Variants in ZNRF3 observed in about 807,000 individuals in gnomAD.
The protein encoded by ZNRF3 is E3 ubiquitin-protein ligase ZNRF3.
Under a neutral mutation model 72.5 loss-of-function variants are expected in ZNRF3, and 23 were observed. That is an observed-to-expected ratio of 0.32 (90% CI 0.23 to 0.45). The LOEUF (loss-of-function observed/expected upper bound fraction) is 0.45. Among genes scored for constraint, ZNRF3 ranks in the 20% least tolerant of loss-of-function variants. ZNRF3 has a pLI of 1.00. For missense variants in ZNRF3, 1,169 were observed against 1,272.1 expected (o/e 0.92, Z 1.23); for synonymous variants, 610 against 545.3 (o/e 1.12, Z -1.65).
chr22:28,900,996 AGCCACTTGGGAG>A (rs1362276498), intron 1 of ZNRF3, among the ~76,000 whole-genome samples: 1 of 152,118 alleles, frequency 6.6e-6, no homozygotes, highest in Non-Finnish European at 1.5e-5. Flanking sequence ...CTGTAGTCTT[AGCCACTTGGGAG>A]GCTGAGGTGA....
At chr22:28,922,789 C>T (rs752830987) in intron 1 of ZNRF3, among the ~76,000 whole-genome samples, 14 of 152,312 alleles carry the variant, frequency 9.2e-5, no homozygotes, top group Non-Finnish European at 1.5e-4. Flanking sequence ...TGGCATGTTC[C>T]GCCACAGCTG....
chr22:28,926,467 C>T (rs1225061772), intron 1 of ZNRF3, among the ~76,000 whole-genome samples: 2 of 150,910 alleles, frequency 1.3e-5, no homozygotes, highest in African/African-American at 4.9e-5. Context: ...ATTATACACA[C>T]ATCACCCTGC....
chr22:28,928,395 A>G (rs2034640806), intron 1 of ZNRF3, among the ~76,000 whole-genome samples: 1 of 151,726 alleles, frequency 6.6e-6, no homozygotes, highest in Admixed American at 6.6e-5. Flanking sequence ...ACATATATAC[A>G]TCTGCTGAGA....
chr22:28,945,626 T>C (rs2123790789), intron 1 of ZNRF3, among the ~76,000 whole-genome samples: 1 of 151,292 alleles, frequency 6.6e-6, no homozygotes, highest in South Asian at 2.1e-4. Flanking sequence ...ACCTCTCGAG[T>C]TTAAGCGATT....
chr22:29,042,615 G>T lies in ZNRF3; in HGVS notation c.501+46G>T, dbSNP rs202133066. 1.9e-6 allele frequency: 3 copies of T among 1,569,102 alleles called. No individual in the cohort carries two copies. The African/African-American group carries it at 4.0e-5, about 21-fold the overall frequency. On this transcript the variant is annotated intron_variant, in intron 3 of 8. Transcript: ENST00000544604. ...CAACACTGCAGCCTCCCTGAGAAAG[G>T]CACTTCCTTTAGTGAGCTTGGCTTG...
At chr22:28,921,215 C>G (rs1024204269) in intron 1 of ZNRF3, among the ~76,000 whole-genome samples, 7 of 151,608 alleles carry the variant, frequency 4.6e-5, no homozygotes, top group African/African-American at 1.7e-4. Flanking sequence ...AAGTGGGAAG[C>G]CCCCCCCACC....
At position 29,010,332 on chromosome 22, in the gene ZNRF3, G is replaced by A. The variant is rs143364687; in HGVS notation, c.426+23131G>A. Among the ~76,000 whole-genome samples, 322 of 152,270 alleles carry A rather than the reference G, an allele frequency of 2.1e-3. 3 individuals are homozygous for A. Among genetic ancestry groups the A allele is most frequent in the Middle Eastern group, 6.8e-3 (2 of 294 alleles). On this transcript the variant is annotated intron_variant, in intron 2 of 8. Coordinates refer to ENST00000544604, the MANE Select transcript of ZNRF3 (RefSeq NM_001206998.2). ...GGAATTTGACCACTCCAGGTCTTTT[G>A]TGAGTGGAGTCGTGTATTTGTCCTT...
At chr22:29,052,364 A>G (rs2037221593) in intron 8 of ZNRF3, among the ~76,000 whole-genome samples, 1 of 152,208 alleles carries the variant, frequency 6.6e-6, no homozygotes, top group Non-Finnish European at 1.5e-5. Flanking sequence ...TCTTTGTGCT[A>G]GAAAACCCTT....
At chr22:28,915,138 G>C (rs2034386564) in intron 1 of ZNRF3, among the ~76,000 whole-genome samples, 1 of 152,238 alleles carries the variant, frequency 6.6e-6, no homozygotes, top group Non-Finnish European at 1.5e-5. Context: ...CTATAACAAA[G>C]TACCACTGGC....
chr22:29,008,141 G>A (rs2036291566), intron 2 of ZNRF3, among the ~76,000 whole-genome samples: 1 of 152,166 alleles, frequency 6.6e-6, no homozygotes, highest in Non-Finnish European at 1.5e-5. Flanking sequence ...GGAAATAAGA[G>A]AGGGTGGCAC....
chr22:28,973,410 A>T (rs5762925), intron 1 of ZNRF3, among the ~76,000 whole-genome samples: 1 of 151,938 alleles, frequency 6.6e-6, no homozygotes, highest in Non-Finnish European at 1.5e-5. Context: ...TTTTTGCATG[A>T]GAGGTACATG....
rs764232191 is a variant in ZNRF3 at position 29,048,442 on chromosome 22, C to T, written c.966C>T (p.Pro322=). ...THRFHRKCVD[P]WLLQHHTCPH... ...GGTTTCACAGGAAGTGCGTGGACCC[C>T]TGGCTGCTGCAGCACCACACCTGCC... is the stretch of plus-strand genomic sequence containing the variant. The change falls in exon 7 of 9, where the codon CCC becomes CCT. Residue 322 remains proline (P), a synonymous_variant. Transcript: ENST00000544604. This position sits in a 1 kb window ranked among gnomAD's most constrained non-coding sequence, Gnocchi z 4.9. 4 of 1,614,090 alleles carry T rather than the reference C, an allele frequency of 2.5e-6. No individual in the cohort carries two copies. The highest frequency in any genetic ancestry group is 3.4e-6 in the Non-Finnish European group (4 of 1,180,032).
At chr22:28,966,233 A>G (rs2035456328) in intron 1 of ZNRF3, among the ~76,000 whole-genome samples, 2 of 152,260 alleles carry the variant, frequency 1.3e-5, no homozygotes, top group Admixed American at 1.3e-4. Context: ...TTGAAATGCA[A>G]CAGAGTGAAC....
intron 1 of ZNRF3, among the ~76,000 whole-genome samples, chr22:28,960,462 T>A (rs2035337626): frequency 6.6e-6 from 1 of 152,146 alleles, no homozygotes; most frequent in South Asian, 2.1e-4. Context: ...CTGTTTGCTA[T>A]GGTGGCAGTA....
intron 1 of ZNRF3, among the ~76,000 whole-genome samples, chr22:28,894,987 C>A (rs892600664): frequency 7.9e-5 from 12 of 152,130 alleles, no homozygotes; most frequent in Non-Finnish European, 1.8e-4. Context: ...AGTCACAAGT[C>A]CTTATCGCAT....
At position 29,048,487 on chromosome 22, in the gene ZNRF3, C is replaced by T. The variant is rs748952957; in HGVS notation, c.1011C>T (p.Ile337=). 6.2e-7 allele frequency: 1 copy of T among 1,614,092 alleles called. No homozygotes were observed. The highest frequency in any genetic ancestry group is 1.1e-5 in the South Asian group (1 of 91,070). ...HHTCPHCRHN[I]IEQKGNPSAV... is the part of the protein sequence containing the mutation. The stretch of plus-strand genomic sequence containing the variant: ...CCTGCCCCCACTGTCGGCACAACAT[C>T]ATAGGTAACTGTCACCCGCCTTAGC... Residue 337 remains isoleucine, a synonymous_variant, in exon 7 of 9, where the codon ATC becomes ATT. Transcript: ENST00000544604. This position sits in a 1 kb window ranked among gnomAD's most constrained non-coding sequence, Gnocchi z 4.9.
At chr22:28,952,622 A>C (rs1365581871) in intron 1 of ZNRF3, among the ~76,000 whole-genome samples, 1 of 151,984 alleles carries the variant, frequency 6.6e-6, no homozygotes, top group African/African-American at 2.4e-5. Context: ...TATTTTGCTT[A>C]AGAGAAAAGA....
intron 2 of ZNRF3, chr22:29,018,182 CAG>C (rs1411627382): frequency 1.2e-5 from 5 of 407,534 alleles, no homozygotes; most frequent in Non-Finnish European, 2.5e-5. Context: ...GAAGACAGCT[CAG>C]GGCATCATGT....
chr22:28,920,884 AC>A (rs2123768718), intron 1 of ZNRF3, among the ~76,000 whole-genome samples: 1 of 151,516 alleles, frequency 6.6e-6, no homozygotes, highest in African/African-American at 2.4e-5. Flanking sequence ...CCTGTGCTTG[AC>A]CCTCCTTAGC....
Sources: gnomAD v4.1 joint callset for allele counts (sites outside exome capture counted in the v4.1 genomes callset) on GRCh38, gnomAD v4.1.1 for gene constraint, Gnocchi (gnomAD v3.1) non-coding constraint, MANE v1.5 for transcripts, NCBI Gene and HGNC (gene_info 2026-07-23, HGNC 2026-07-21) for gene names.